Variants in KAZN observed in about 807,000 individuals in gnomAD.
KAZN encodes the protein kazrin.
KAZN carries 40 observed loss-of-function variants against 87.4 expected under a neutral mutation model. That is an observed-to-expected ratio of 0.46 (90% CI 0.36 to 0.60). KAZN has a LOEUF of 0.60. Among genes scored for constraint, KAZN ranks in the 20% least tolerant of loss-of-function variants. The pLI is 0.00. For synonymous variants in KAZN, 466 were observed against 458.3 expected, an observed-to-expected ratio of 1.02 and a Z score of -0.22; for missense variants, 898 against 1,073.9, an observed-to-expected ratio of 0.84 and a Z score of 2.29.
Position 13,946,319 on chromosome 1 carries a change from T to C in KAZN, c.91+52563T>C, listed in dbSNP as rs541965800. ...CACAGAATGCATAGAGGCGAAGAGT[T>C]GCGATTCTGGAGCCAGTCTTCCTGG... On this transcript the variant is annotated intron_variant, in intron 1 of 16. Transcript: ENST00000636203. Among the ~76,000 whole-genome samples, 7 of 152,184 alleles carry C rather than the reference T, an allele frequency of 4.6e-5. 1 individual carries two copies. Among genetic ancestry groups the C allele is most frequent in the Admixed American group, 4.6e-4 (7 of 15,286 alleles).
chr1:15,085,430 C>A (rs368086785), intron 8 of KAZN, among the ~76,000 whole-genome samples: 1 of 152,158 alleles, frequency 6.6e-6, no homozygotes, highest in East Asian at 1.9e-4. Context: ...CAGGTACAAG[C>A]GATTCTCCTG....
intron 2 of KAZN, among the ~76,000 whole-genome samples, chr1:14,493,081 C>G (rs1241854247): frequency 6.6e-6 from 1 of 152,124 alleles, no homozygotes; most frequent in Non-Finnish European, 1.5e-5. Flanking sequence ...ACTTCATCCA[C>G]GCAGCCTTTC....
chr1:14,011,944 TA>T (rs1441763937), intron 1 of KAZN, among the ~76,000 whole-genome samples: 3 of 152,160 alleles, frequency 2.0e-5, no homozygotes, highest in Non-Finnish European at 4.4e-5. Context: ...TTCTACCTTT[TA>T]GGGGGTGTTT....
At chr1:14,947,442 G>C (rs777298797) in intron 1 of KAZN, among the ~76,000 whole-genome samples, 2 of 152,216 alleles carry the variant, frequency 1.3e-5, no homozygotes, top group Non-Finnish European at 2.9e-5. Flanking sequence ...AGCCAAGACT[G>C]GGGGACCTGG....
At chr1:14,999,394 G>C (rs1668221195) in intron 2 of KAZN, among the ~76,000 whole-genome samples, 1 of 152,246 alleles carries the variant, frequency 6.6e-6, no homozygotes, top group Admixed American at 6.5e-5. Context: ...AAAGCCAGGA[G>C]AGCATGGGAG....
chr1:14,252,585 G>C (rs1368329287), intron 2 of KAZN, among the ~76,000 whole-genome samples: 1 of 152,028 alleles, frequency 6.6e-6, no homozygotes. Flanking sequence ...ATCAGTTCAG[G>C]GGCTGCCTAC....
In KAZN at chr1:15,060,319, C is replaced by T. The variant is rs200220006; in HGVS notation, c.1047+17C>T. On this transcript the variant is annotated intron_variant, in intron 6 of 14. Transcript: ENST00000376030. Reference sequence around the variant, plus strand: ...CTCTGCAACGTAAGGCCAGCAGCAGCGGGGCCTGGGCCCCTGGGCCCTGCC... The same window carrying T: ...CTCTGCAACGTAAGGCCAGCAGCAGTGGGGCCTGGGCCCCTGGGCCCTGCC... 186 of 1,613,252 alleles carry T rather than the reference C, an allele frequency of 1.2e-4. 2 individuals are homozygous for T. In the Admixed American group the frequency reaches 2.3e-3, roughly 20 times the overall value.
chr1:14,707,941 G>A (rs1048391565), intron 1 of KAZN, among the ~76,000 whole-genome samples: 9 of 152,140 alleles, frequency 5.9e-5, no homozygotes, highest in Admixed American at 2.0e-4. Flanking sequence ...CTTCCTTCAC[G>A]GAGTTTGCAG....
chr1:14,979,293 C>T (rs1427662675), intron 2 of KAZN, among the ~76,000 whole-genome samples: 1 of 151,606 alleles, frequency 6.6e-6, no homozygotes, highest in Non-Finnish European at 1.5e-5. Flanking sequence ...CCTGTAATCC[C>T]AGCTACTCAG....
intron 1 of KAZN, among the ~76,000 whole-genome samples, chr1:14,074,676 G>A (rs902057191): frequency 6.6e-6 from 1 of 152,146 alleles, no homozygotes; most frequent in African/African-American, 2.4e-5. Context: ...AGGTCTAAGG[G>A]CAGAACTGGT....
At chr1:14,116,530 A>G (rs1644622084) in intron 1 of KAZN, among the ~76,000 whole-genome samples, 1 of 152,200 alleles carries the variant, frequency 6.6e-6, no homozygotes, top group South Asian at 2.1e-4. Context: ...ATGTATGGAA[A>G]CACCTGGATG....
At chr1:14,620,082 A>G (rs1170795316) in intron 1 of KAZN, among the ~76,000 whole-genome samples, 11 of 152,210 alleles carry the variant, frequency 7.2e-5, no homozygotes, top group Non-Finnish European at 1.5e-5. Flanking sequence ...ACCCATCTGT[A>G]CAATAGTAAG....
intron 1 of KAZN, among the ~76,000 whole-genome samples, chr1:14,712,809 C>T (rs1642557108): frequency 6.6e-6 from 1 of 152,190 alleles, no homozygotes. Flanking sequence ...AGGTAAAAAC[C>T]AACCACAGCA....
At chr1:14,390,562 GT>G (rs1662332349) in intron 2 of KAZN, 1 of 152,258 alleles carries the variant, frequency 6.6e-6, no homozygotes, top group Admixed American at 6.5e-5. Flanking sequence ...GGAGGATCAT[GT>G]TTTGTATTGC....
At chr1:14,546,486 C>G (rs766248158) in intron 2 of KAZN, among the ~76,000 whole-genome samples, 9 of 151,574 alleles carry the variant, frequency 5.9e-5, no homozygotes, top group Non-Finnish European at 1.3e-4. Context: ...AAGAGAAGAG[C>G]CTTTCCCCAG....
In KAZN at chr1:14,713,552, C is replaced by T. The variant is rs1490960484; in HGVS notation, c.226+114329C>T. Among the ~76,000 whole-genome samples, 4 of 152,102 alleles carry T rather than the reference C, an allele frequency of 2.6e-5. No individual in the cohort carries two copies. In the East Asian group the frequency reaches 7.7e-4, roughly 29 times the overall value. On this transcript the variant is annotated intron_variant, in intron 1 of 14. Transcript: ENST00000376030. Reference sequence around the variant, plus strand: ...AACTGAATGGGGAAGATGCTTCTGGCATAGGGTGGGTAGAGGCCACGGTTG... The same window carrying T: ...AACTGAATGGGGAAGATGCTTCTGGTATAGGGTGGGTAGAGGCCACGGTTG...
intron 1 of KAZN, among the ~76,000 whole-genome samples, chr1:13,938,103 C>A (rs1360289167): frequency 6.6e-6 from 1 of 152,048 alleles, no homozygotes; most frequent in Non-Finnish European, 1.5e-5. Flanking sequence ...CGCATTGAAT[C>A]TGTAGATTGC....
intron 1 of KAZN, among the ~76,000 whole-genome samples, chr1:14,849,396 G>A (rs1322317353): frequency 6.6e-6 from 1 of 152,158 alleles, no homozygotes; most frequent in Non-Finnish European, 1.5e-5. Flanking sequence ...ACATTTTTGA[G>A]TGTTTACTAC....
At chr1:14,424,182 T>G (rs950322615) in intron 2 of KAZN, among the ~76,000 whole-genome samples, 2 of 152,162 alleles carry the variant, frequency 1.3e-5, no homozygotes, top group African/African-American at 4.8e-5. Context: ...AAAATGAGAA[T>G]GAGGATACAC....
Sources: gnomAD v4.1 joint callset for allele counts (sites outside exome capture counted in the v4.1 genomes callset) on GRCh38, gnomAD v4.1.1 for gene constraint, MANE v1.5 for transcripts, NCBI Gene and HGNC (gene_info 2026-07-23, HGNC 2026-07-21) for gene names.